Variants in MYO3B observed in about 807,000 individuals in gnomAD.
MYO3B encodes myosin-IIIb.
In MYO3B, 156 loss-of-function variants were observed where a neutral mutation model predicts 174.6. That is an observed-to-expected ratio of 0.89 (90% CI 0.78 to 1.02). The LOEUF (loss-of-function observed/expected upper bound fraction) is 1.02, where lower values mean the gene tolerates loss of function less well. MYO3B is among the 50% of genes least tolerant of loss of function. The pLI is 0.00. For missense variants in MYO3B, 1,632 were observed against 1,639.4 expected, an observed-to-expected ratio of 1.00 and a Z score of 0.08; for synonymous variants, 563 against 569.1, an observed-to-expected ratio of 0.99 and a Z score of 0.15.
chr2:170,391,979 ACT>A lies in MYO3B; in HGVS notation c.1676+364_1676+365del, dbSNP rs1187435035. ...AGACCAGCCAGGGCAGCATAGTGAG[ACT>A]CTGTCTCTACAATTTTTTTTTTAAT... On this transcript the variant is annotated intron_variant, in intron 15 of 34. Coordinates refer to ENST00000408978, the MANE Select transcript of MYO3B (RefSeq NM_138995.5). Among the ~76,000 whole-genome samples, 7 of 151,140 alleles carry A rather than the reference ACT, an allele frequency of 4.6e-5. No homozygotes were observed. The South Asian group carries it at 1.3e-3, about 27-fold the overall frequency.
intron 32 of MYO3B, among the ~76,000 whole-genome samples, chr2:170,571,782 G>C (rs759839450): frequency 1.3e-5 from 2 of 152,118 alleles, no homozygotes; most frequent in Non-Finnish European, 2.9e-5. Flanking sequence ...GTAATAGAGG[G>C]AGGAATCTGG....
At chr2:170,600,048 A>G (rs1575226265) in intron 32 of MYO3B, among the ~76,000 whole-genome samples, 1 of 151,952 alleles carries the variant, frequency 6.6e-6, no homozygotes, top group Non-Finnish European at 1.5e-5. Context: ...TGGCTCTGGG[A>G]AGGCACTAAT....
intron 25 of MYO3B, among the ~76,000 whole-genome samples, chr2:170,480,970 G>A (rs1252023255): frequency 1.3e-5 from 2 of 152,160 alleles, no homozygotes; most frequent in Non-Finnish European, 2.9e-5. Flanking sequence ...CACCTATGAG[G>A]ACATGGTCCA....
At chr2:170,296,944 G>A (rs570810598) in intron 7 of MYO3B, among the ~76,000 whole-genome samples, 4 of 152,146 alleles carry the variant, frequency 2.6e-5, no homozygotes, top group African/African-American at 7.2e-5. Context: ...ATCAAAGGAG[G>A]TTGGTGTTAA....
In MYO3B at chr2:170,650,672, C is replaced by CTTT. The variant is rs766676996; in HGVS notation, c.3734-929_3734-927dup. ...TGCTTGGAAGGGAAATGAATTATGA[C>CTTT]TTTTTTTTTTTTTTTTTTTTTTTTT... On this transcript the variant is annotated intron_variant, in intron 32 of 34. Transcript: ENST00000408978. Among the ~76,000 whole-genome samples the CTTT allele has an allele frequency of 5.7e-4, 44 of 76,988 alleles. 3 individuals are homozygous for CTTT. The highest frequency in any genetic ancestry group is 1.5e-3 in the African/African-American group (24 of 16,172). The allele number at this position is 76,988 out of a possible 152,430, so 50.5% of individuals were successfully genotyped here.
Position 170,416,160 on chromosome 2 carries a change from G to A in MYO3B, c.2650+8316G>A, listed in dbSNP as rs569324148. On this transcript the variant is annotated intron_variant, in intron 22 of 34. Transcript: ENST00000408978. Reference sequence around the variant, plus strand: ...TTCATGGTGATGCATCTGCAGCATCGCTCACCTGAACCTGCTAACTCAACT... The same window carrying A: ...TTCATGGTGATGCATCTGCAGCATCACTCACCTGAACCTGCTAACTCAACT... Among the ~76,000 whole-genome samples, 23 of 151,918 alleles carry A rather than the reference G, an allele frequency of 1.5e-4. No homozygotes were observed. In the East Asian group the frequency reaches 2.9e-3, roughly 19 times the overall value.
intron 16 of MYO3B, among the ~76,000 whole-genome samples, chr2:170,396,011 T>C (rs993414720): frequency 7.2e-5 from 11 of 152,244 alleles, no homozygotes; most frequent in African/African-American, 2.4e-4. Flanking sequence ...GGGGCTTTGA[T>C]GGAGAAATGC....
intron 22 of MYO3B, among the ~76,000 whole-genome samples, chr2:170,430,996 G>T (rs1045160153): frequency 3.3e-5 from 5 of 152,152 alleles, no homozygotes; most frequent in African/African-American, 4.8e-5. Flanking sequence ...TTATGATTTT[G>T]CCCAGGACCA....
At chr2:170,527,103 C>T (rs185612570) in intron 30 of MYO3B, among the ~76,000 whole-genome samples, 98 of 152,198 alleles carry the variant, frequency 6.4e-4, no homozygotes, top group African/African-American at 2.2e-3. Context: ...AGGTCTCATT[C>T]GTGTGACATA....
chr2:170,364,335 A>G (rs1038754408), intron 8 of MYO3B, among the ~76,000 whole-genome samples: 3 of 152,160 alleles, frequency 2.0e-5, no homozygotes, highest in Non-Finnish European at 2.9e-5. Context: ...GCTTGTGTGC[A>G]TTACAAAACT....
At chr2:170,470,377 T>C in intron 25 of MYO3B, among the ~76,000 whole-genome samples, 1 of 152,180 alleles carries the variant, frequency 6.6e-6, no homozygotes, top group East Asian at 1.9e-4. Flanking sequence ...GTCTGGCTTC[T>C]TTTACTTAGC....
intron 32 of MYO3B, among the ~76,000 whole-genome samples, chr2:170,623,468 T>C (rs187405173): frequency 6.6e-6 from 1 of 152,376 alleles, no homozygotes; most frequent in African/African-American, 2.4e-5. Flanking sequence ...CGATTCTGGA[T>C]TTTAGCCCTT....
intron 19 of MYO3B, 117 bp downstream of exon 19, chr2:170,403,112 G>A: frequency 1.0e-6 from 1 of 969,900 alleles, no homozygotes; most frequent in Admixed American, 2.8e-5. Flanking sequence ...AGAGAAAATA[G>A]GGTAAGGCAG....
At chr2:170,454,285 A>G (rs1260355017) in intron 23 of MYO3B, among the ~76,000 whole-genome samples, 3 of 152,148 alleles carry the variant, frequency 2.0e-5, no homozygotes, top group Admixed American at 6.5e-5. Flanking sequence ...CAAACCTATC[A>G]GGAGAAGGGA....
intron 25 of MYO3B, among the ~76,000 whole-genome samples, chr2:170,494,078 A>G (rs1177837240): frequency 6.6e-6 from 1 of 152,236 alleles, no homozygotes; most frequent in Admixed American, 6.5e-5. Context: ...TAAGGCATTA[A>G]ATTTTGAAGT....
chr2:170,502,397 G>T (rs763496840), intron 28 of MYO3B, among the ~76,000 whole-genome samples: 29 of 152,222 alleles, frequency 1.9e-4, no homozygotes, highest in Non-Finnish European at 3.1e-4. Context: ...CACTCAGGGA[G>T]TTTCCCAGCA....
intron 22 of MYO3B, among the ~76,000 whole-genome samples, chr2:170,433,845 C>T (rs2094730187): frequency 6.6e-6 from 1 of 152,174 alleles, no homozygotes; most frequent in African/African-American, 2.4e-5. Context: ...CAATATATCC[C>T]TGTCGTTAAG....
intron 7 of MYO3B, among the ~76,000 whole-genome samples, chr2:170,329,227 A>G (rs2093892725): frequency 8.2e-6 from 1 of 121,312 alleles, no homozygotes; most frequent in Non-Finnish European, 1.8e-5. Flanking sequence ...AACACAGAAA[A>G]ACAGTGTGTG....
At chr2:170,647,937 A>G (rs2105474236) in intron 32 of MYO3B, 1 of 152,344 alleles carries the variant, frequency 6.6e-6, no homozygotes, top group South Asian at 2.1e-4. Flanking sequence ...AAACTTCTTA[A>G]GATCAGTCTT....
Sources: allele counts gnomAD v4.1 joint callset (sites outside exome capture counted in the v4.1 genomes callset), GRCh38; gene constraint gnomAD v4.1.1; transcripts MANE v1.5; gene names NCBI Gene and HGNC (gene_info 2026-07-23, HGNC 2026-07-21).